CD1B: variants seen among roughly 807,000 people sequenced by gnomAD.
CD1B encodes T-cell surface glycoprotein CD1b.
A neutral mutation model predicts 39.8 loss-of-function variants in CD1B; 43 were observed. The observed-to-expected ratio is 1.08, with a 90% CI of 0.85 to 1.39. The LOEUF (loss-of-function observed/expected upper bound fraction) is 1.39, where lower values mean the gene tolerates loss of function less well. Among genes scored for constraint, CD1B ranks in the 40% most tolerant of loss-of-function variants. The probability of loss-of-function intolerance (pLI) is 0.00; values close to 1 mark genes in which losing one functional copy is unlikely to be tolerated. For synonymous variants in CD1B, 192 were observed against 152.5 expected (o/e 1.26, Z -1.91); for missense variants, 495 against 403.8 (o/e 1.23, Z -1.94).
rs771157547 is a variant in CD1B, at chr1:158,329,486, G to A, written c.770C>T (p.Ala257Val). Reference sequence around the variant, plus strand: ...TGCTCGGAGATACCATGTCCAGTTAGCATTGGGCAGGATGTCCCCTAGCTG... The same window carrying A: ...TGCTCGGAGATACCATGTCCAGTTAACATTGGGCAGGATGTCCCCTAGCTG... ...GTQLGDILPNANWTWYLRATL... is the reference protein window; with the variant it reads ...GTQLGDILPNVNWTWYLRATL... The change falls in exon 4 of 6, where the codon GCT (alanine) becomes GTT (valine). Residue 257 changes from alanine to valine, a missense_variant. Ala to Val is a moderately conservative substitution (Grantham distance 64). Transcript: ENST00000368168. 8.1e-6 allele frequency: 13 copies of A among 1,614,002 alleles called. No homozygotes were observed. The highest frequency in any genetic ancestry group is 1.3e-5 in the African/African-American group (1 of 74,894).
At chr1:158,295,580 A>C in the CD1B span, among the ~76,000 whole-genome samples, 1 of 152,086 alleles carries the variant, frequency 6.6e-6, no homozygotes. Context: ...TTACCCGAGG[A>C]TTGGCATGCT....
chr1:158,308,014 G>T, the CD1B span, among the ~76,000 whole-genome samples: 2 of 152,262 alleles, frequency 1.3e-5, no homozygotes, highest in East Asian at 3.9e-4. Context: ...GAAATAAAGG[G>T]TATTGAATTA....
Position 158,331,442 on chromosome 1 carries a change from T to C in CD1B, c.-19A>G, listed in dbSNP as rs913286297. The stretch of plus-strand genomic sequence containing the variant: ...GCAGCATTTCACTGGGAGATGCAAC[T>C]TCTTACTGGCAGAGCTGGTATTTGA... On this transcript the variant is annotated 5_prime_UTR_variant, in exon 1 of 6. Coordinates refer to ENST00000368168, the MANE Select transcript of CD1B (RefSeq NM_001764.3). The C allele has an allele frequency of 3.1e-6, 5 of 1,608,252 alleles. No individual in the cohort carries two copies. Among genetic ancestry groups the C allele is most frequent in the Middle Eastern group, 3.3e-4 (2 of 6,054 alleles).
the CD1B span, among the ~76,000 whole-genome samples, chr1:158,304,714 C>T: frequency 0.018 from 2,794 of 152,286 alleles, 85 homozygotes; most frequent in African/African-American, 0.064. Context: ...ACACCTCACA[C>T]GGCAGGGTAC....
the CD1B span, among the ~76,000 whole-genome samples, chr1:158,300,265 C>T: frequency 5.3e-5 from 8 of 150,542 alleles, no homozygotes; most frequent in African/African-American, 1.9e-4. Flanking sequence ...TTCAGGACTA[C>T]AGTTTCCATG....
At chr1:158,328,633 C>T (rs1652453809) in intron 5 of CD1B, among the ~76,000 whole-genome samples, 1 of 152,160 alleles carries the variant, frequency 6.6e-6, no homozygotes, top group African/African-American at 2.4e-5. Context: ...AATAGAGTTT[C>T]AGTCTTGCAA....
At chr1:158,303,315 G>A in the CD1B span, among the ~76,000 whole-genome samples, 4 of 152,136 alleles carry the variant, frequency 2.6e-5, no homozygotes, top group African/African-American at 9.6e-5. Context: ...CAAACCCACA[G>A]CCAACAACGT....
chr1:158,290,443 C>T, the CD1B span, among the ~76,000 whole-genome samples: 1 of 152,070 alleles, frequency 6.6e-6, no homozygotes, highest in African/African-American at 2.4e-5. Context: ...ACGCAAGGTC[C>T]AGAGGGATGA....
chr1:158,317,103 A>G, the CD1B span, among the ~76,000 whole-genome samples: 2 of 151,900 alleles, frequency 1.3e-5, no homozygotes, highest in African/African-American at 4.9e-5. Context: ...CATCAAGGAT[A>G]TTGATTGGTC....
the CD1B span, among the ~76,000 whole-genome samples, chr1:158,298,571 T>C: frequency 1.3e-4 from 20 of 152,348 alleles, no homozygotes; most frequent in African/African-American, 4.8e-4. Context: ...GGTAGCTTGA[T>C]AGGGATGGCA....
chr1:158,313,602 T>C, the CD1B span, among the ~76,000 whole-genome samples: 1 of 152,160 alleles, frequency 6.6e-6, no homozygotes, highest in Admixed American at 6.6e-5. Context: ...GAGCAACCAC[T>C]TCTGTCCTGT....
downstream of CD1B, among the ~76,000 whole-genome samples, chr1:158,327,443 A>T (rs1272565307): frequency 6.6e-6 from 1 of 152,184 alleles, no homozygotes; most frequent in African/African-American, 2.4e-5. Context: ...GGCTAAGTGG[A>T]AACTATTTTA....
chr1:158,317,652 CT>C, the CD1B span, among the ~76,000 whole-genome samples: 12 of 152,028 alleles, frequency 7.9e-5, no homozygotes, highest in East Asian at 1.9e-4. Flanking sequence ...GTTTTTGTGT[CT>C]CTATTTCCTT....
chr1:158,330,783 G>A lies in CD1B; in HGVS notation c.328+13C>T, dbSNP rs1378141350. 6.2e-7 allele frequency: 1 copy of A among 1,613,492 alleles called. No homozygotes were observed. The highest frequency in any genetic ancestry group is 1.1e-5 in the South Asian group (1 of 91,058). On this transcript the variant is annotated intron_variant, in intron 2 of 5. Transcript: ENST00000368168. ...TCCTTGAGACTCTTCCCAGTTCGGT[G>A]GACTAGACTCACATTTCATCTGGAA...
chr1:158,293,335 G>A, the CD1B span: 1 of 1,598,098 alleles, frequency 6.3e-7, no homozygotes, highest in Non-Finnish European at 8.6e-7. Context: ...TCTCCTCCCA[G>A]TTTCTTATTT....
chr1:158,300,041 G>A, the CD1B span, among the ~76,000 whole-genome samples: 4 of 152,076 alleles, frequency 2.6e-5, no homozygotes, highest in Non-Finnish European at 4.4e-5. Context: ...TTTTGAATAT[G>A]TTTGCTCTTG....
At chr1:158,291,206 A>T in the CD1B span, 2 of 1,613,868 alleles carry the variant, frequency 1.2e-6, no homozygotes, top group Admixed American at 3.3e-5. Context: ...GCACGAGGTC[A>T]GGGCTCAGGA....
At chr1:158,311,896 T>C in the CD1B span, among the ~76,000 whole-genome samples, 3 of 152,222 alleles carry the variant, frequency 2.0e-5, no homozygotes, top group Admixed American at 1.3e-4. Context: ...TTGGTTACTA[T>C]AGTTTTGTAG....
At position 158,328,036 on chromosome 1, in the gene CD1B, G is replaced by C; in HGVS notation, c.*200C>G. 1 of 545,542 alleles carries C rather than the reference G, an allele frequency of 1.8e-6. No individual in the cohort carries two copies. The highest frequency in any genetic ancestry group is 3.3e-6 in the Non-Finnish European group (1 of 307,670). The allele number at this position is 545,542 out of a possible 1,614,324, so 33.8% of individuals were successfully genotyped here. A position where few individuals can be genotyped will look rare whatever the true frequency, so the allele number is the denominator to read the frequency against. Reference sequence around the variant, plus strand: ...GTGTAAAATCAGGGTGAATCACACTGTTAGTACAGTCTCATAATAAATTTA... The same window carrying C: ...GTGTAAAATCAGGGTGAATCACACTCTTAGTACAGTCTCATAATAAATTTA... On this transcript the variant is annotated 3_prime_UTR_variant, in exon 6 of 6. Transcript: ENST00000368168.
Sources: allele counts gnomAD v4.1 joint callset (sites outside exome capture counted in the v4.1 genomes callset), GRCh38; gene constraint gnomAD v4.1.1; transcripts MANE v1.5; gene names NCBI Gene and HGNC (gene_info 2026-07-23, HGNC 2026-07-21).